Variants in SCUBE1 observed in about 807,000 individuals in gnomAD.
The protein encoded by SCUBE1 is signal peptide, CUB and EGF-like domain-containing protein 1.
In SCUBE1, 59 loss-of-function variants were observed where a neutral mutation model predicts 124.4. The ratio of observed to expected loss-of-function variants is 0.47; its 90% CI spans 0.38 to 0.59. The LOEUF is 0.59. Ranked by LOEUF, SCUBE1 falls within the 20% of genes least tolerant of loss-of-function variation. SCUBE1 has a pLI of 0.00. For synonymous variants in SCUBE1, 545 were observed against 550.9 expected (o/e 0.99, Z 0.15); for missense variants, 1,150 against 1,371.2 (o/e 0.84, Z 2.55).
At chr22:43,253,214 T>C (rs1923524985) in intron 6 of SCUBE1, among the ~76,000 whole-genome samples, 1 of 152,240 alleles carries the variant, frequency 6.6e-6, no homozygotes, top group Middle Eastern at 3.2e-3. Context: ...GAGCTACTGG[T>C]TGGGGCCTGA....
At chr22:43,219,765 G>A (rs530608883) in intron 14 of SCUBE1, among the ~76,000 whole-genome samples, 1 of 152,126 alleles carries the variant, frequency 6.6e-6, no homozygotes, top group South Asian at 2.1e-4. Context: ...GTGAGCCAGT[G>A]TGCCCAGCCA....
At chr22:43,322,641 C>T (rs533237292) in intron 2 of SCUBE1, among the ~76,000 whole-genome samples, 1 of 152,272 alleles carries the variant, frequency 6.6e-6, no homozygotes, top group Admixed American at 6.5e-5. Context: ...CAAACTGTTC[C>T]CTCCCTCCTT....
rs1183236701 is a variant in SCUBE1 at position 43,258,906 on chromosome 22, G to T, written c.611-571C>A. ...CCCTCAAAGCCCTAATCCTCCGGGA[G>T]CTCGGCAATGTCCGAACAGACAGAC... On this transcript the variant is annotated intron_variant, in intron 5 of 21. Transcript: ENST00000360835. The surrounding 1 kb of genome is among the most constrained non-coding windows in gnomAD (Gnocchi z 5.0). Among the ~76,000 whole-genome samples, 1 of 152,186 alleles carries T rather than the reference G, an allele frequency of 6.6e-6. No homozygotes were observed.
intron 3 of SCUBE1, among the ~76,000 whole-genome samples, chr22:43,307,669 G>A (rs1926020126): frequency 6.6e-6 from 1 of 152,174 alleles, no homozygotes; most frequent in Non-Finnish European, 1.5e-5. Flanking sequence ...GGTTCCATGG[G>A]GAGCAGAGCT....
Position 43,291,098 on chromosome 22 carries a change from G to A in SCUBE1, c.432C>T (p.His144=), listed in dbSNP as rs1054467027. 6 of 1,613,672 alleles carry A rather than the reference G, an allele frequency of 3.7e-6. No homozygotes were observed. In the Admixed American group the frequency reaches 6.7e-5, roughly 18 times the overall value. ...NAMGSYECQC[H]SGFFLSDNQH... ...GGTTGTCACTAAGGAAGAAGCCACT[G>A]TGGCACTGACACTCGTAGCTGCCCA... The change falls in exon 4 of 22, where the codon CAC becomes CAT. Residue 144 remains histidine, a synonymous_variant. Coordinates refer to ENST00000360835, the MANE Select transcript of SCUBE1 (RefSeq NM_173050.5).
At chr22:43,244,641 G>A (rs1923135200) in intron 6 of SCUBE1, among the ~76,000 whole-genome samples, 2 of 152,202 alleles carry the variant, frequency 1.3e-5, no homozygotes, top group Admixed American at 6.5e-5. Flanking sequence ...ATGGGAAGTG[G>A]GTGTGGGTGC....
chr22:43,254,417 G>C (rs1923578618), intron 6 of SCUBE1, among the ~76,000 whole-genome samples: 1 of 152,188 alleles, frequency 6.6e-6, no homozygotes, highest in Non-Finnish European at 1.5e-5. Context: ...CTAGATGCCT[G>C]GGTCCCCCTG....
intron 8 of SCUBE1, among the ~76,000 whole-genome samples, chr22:43,230,618 G>C (rs1204599271): frequency 1.3e-5 from 2 of 152,230 alleles, no homozygotes; most frequent in South Asian, 2.1e-4. Context: ...GTCAAAGTCA[G>C]AAGAACCCTG....
chr22:43,265,737 A>C (rs535410146), intron 4 of SCUBE1, among the ~76,000 whole-genome samples: 26 of 152,346 alleles, frequency 1.7e-4, no homozygotes, highest in African/African-American at 5.8e-4. Flanking sequence ...ACAGCTATCG[A>C]GACTGGCTAG....
At chr22:43,294,160 C>T (rs1601867515) in intron 3 of SCUBE1, among the ~76,000 whole-genome samples, 1 of 152,250 alleles carries the variant, frequency 6.6e-6, no homozygotes, top group Non-Finnish European at 1.5e-5. Context: ...GGGGCTGCCC[C>T]TCTGCACCCT....
intron 1 of SCUBE1, among the ~76,000 whole-genome samples, chr22:43,339,471 G>T (rs771928568): frequency 6.6e-6 from 1 of 151,920 alleles, no homozygotes; most frequent in African/African-American, 2.4e-5. Context: ...ATTTATTGTC[G>T]CAACCATCCC....
intron 14 of SCUBE1, among the ~76,000 whole-genome samples, chr22:43,220,067 G>A (rs544643158): frequency 5.3e-5 from 8 of 152,288 alleles, no homozygotes; most frequent in African/African-American, 1.7e-4. Context: ...TGTGACACCC[G>A]AGCCAGCATT....
At position 43,215,902 on chromosome 22, in the gene SCUBE1, TGCACACTCAC is replaced by T. The variant is rs1161441827; in HGVS notation, c.1892-1661_1892-1652del. Among the ~76,000 whole-genome samples, 14 of 146,920 alleles carry T rather than the reference TGCACACTCAC, an allele frequency of 9.5e-5. No individual in the cohort carries two copies. The South Asian group carries it at 2.1e-3, about 23-fold the overall frequency. ...TGAAGACTACACACTCACACATGCA[TGCACACTCAC>T]ACACATGCACACGTGTGGGAGACGG... On this transcript the variant is annotated intron_variant, in intron 15 of 21. Coordinates refer to ENST00000360835, the MANE Select transcript of SCUBE1 (RefSeq NM_173050.5).
chr22:43,273,966 C>G (rs1924395286), intron 4 of SCUBE1, among the ~76,000 whole-genome samples: 1 of 152,174 alleles, frequency 6.6e-6, no homozygotes, highest in Non-Finnish European at 1.5e-5. Context: ...CTCTGTAAGG[C>G]TGGCCCGCTC....
chr22:43,339,671 TCCTC>T (rs1927213503), intron 1 of SCUBE1, among the ~76,000 whole-genome samples: 1 of 53,450 alleles, frequency 1.9e-5, no homozygotes, highest in African/African-American at 7.4e-5. Flanking sequence ...TCCCCCATTC[TCCTC>T]ACTCTATCCC....
intron 5 of SCUBE1, among the ~76,000 whole-genome samples, chr22:43,261,507 T>A (rs1242795420): frequency 1.3e-5 from 2 of 152,166 alleles, no homozygotes; most frequent in East Asian, 3.9e-4. Context: ...GACCATGAGT[T>A]GGGAAAGGTA....
At chr22:43,278,646 C>T (rs1255476562) in intron 4 of SCUBE1, among the ~76,000 whole-genome samples, 5 of 152,150 alleles carry the variant, frequency 3.3e-5, no homozygotes, top group African/African-American at 1.2e-4. Context: ...GGTCTCTGTC[C>T]ATTGGCTTGT....
At chr22:43,219,367 T>C (rs1921981286) in intron 14 of SCUBE1, among the ~76,000 whole-genome samples, 1 of 152,236 alleles carries the variant, frequency 6.6e-6, no homozygotes, top group African/African-American at 2.4e-5. Context: ...AGGCAGATGC[T>C]GCTGCCGTGT....
At position 43,211,188 on chromosome 22, in the gene SCUBE1, G is replaced by A; in HGVS notation, c.2222-105C>T. The A allele has an allele frequency of 8.1e-7, 1 of 1,230,460 alleles. No individual in the cohort carries two copies. Among genetic ancestry groups the A allele is most frequent in the Non-Finnish European group, 1.1e-6 (1 of 876,992 alleles). 76.2% of individuals were successfully genotyped at this position (1,230,460 alleles called of 1,614,324 possible). A position where few individuals can be genotyped will look rare whatever the true frequency, so the allele number is the denominator to read the frequency against. On this transcript the variant is annotated intron_variant, in intron 17 of 21. Transcript: ENST00000360835. The surrounding 1 kb of genome is among the most constrained non-coding windows in gnomAD (Gnocchi z 4.5). ...CTCTCATGCCCTCGAGGTCTGTTTTGGCACAGAGTTCAAGGCTCCTCCCCA... is the reference window on the plus strand; with the variant it reads ...CTCTCATGCCCTCGAGGTCTGTTTTAGCACAGAGTTCAAGGCTCCTCCCCA...
Sources: gnomAD v4.1 joint callset for allele counts (sites outside exome capture counted in the v4.1 genomes callset) on GRCh38, gnomAD v4.1.1 for gene constraint, Gnocchi (gnomAD v3.1) non-coding constraint, MANE v1.5 for transcripts, NCBI Gene and HGNC (gene_info 2026-07-23, HGNC 2026-07-21) for gene names.